Variants in F13A1 observed in about 807,000 individuals in gnomAD.
The protein encoded by F13A1 is FSF, A subunit.
F13A1 carries 47 observed loss-of-function variants against 80.1 expected under a neutral mutation model. The ratio of observed to expected loss-of-function variants is 0.59; its 90% CI spans 0.46 to 0.75. F13A1 has a LOEUF of 0.75. F13A1 is among the 30% of genes least tolerant of loss of function. F13A1 has a pLI of 0.00. For synonymous variants in F13A1, 349 were observed against 344.9 expected, an observed-to-expected ratio of 1.01 and a Z score of -0.13; for missense variants, 817 against 930.4, an observed-to-expected ratio of 0.88 and a Z score of 1.59.
In F13A1 at chr6:6,205,858, C is replaced by T. The variant is rs116445083; in HGVS notation, c.1113-8532G>A. ...AAAAATTTTCAGAAAGTAGATGCCA[C>T]CCCATCACACAGACCACGTTTGCCA... On this transcript the variant is annotated intron_variant, in intron 8 of 14. Coordinates refer to ENST00000264870, the MANE Select transcript of F13A1 (RefSeq NM_000129.4). Among the ~76,000 whole-genome samples, 1,307 of 152,176 alleles carry T rather than the reference C, an allele frequency of 8.6e-3. 14 individuals carry two copies. Among genetic ancestry groups the T allele is most frequent in the South Asian group, 0.04 (190 of 4,810 alleles).
At chr6:6,285,529 C>A (rs1758125258) in intron 3 of F13A1, among the ~76,000 whole-genome samples, 2 of 152,250 alleles carry the variant, frequency 1.3e-5, no homozygotes, top group Non-Finnish European at 2.9e-5. Flanking sequence ...CCAGCCCCAG[C>A]TTCCTGAAGG....
At chr6:6,210,227 A>T (rs1761577540) in intron 8 of F13A1, among the ~76,000 whole-genome samples, 1 of 150,070 alleles carries the variant, frequency 6.7e-6, no homozygotes. Flanking sequence ...ACCTGTCTCA[A>T]AATAATAATA....
Position 6,174,795 on chromosome 6 carries a change from C to T in F13A1, c.1532G>A (p.Gly511Asp), listed in dbSNP as rs1561643584. Residue 511 changes from glycine to aspartate, a missense_variant, in exon 12 of 15, where the codon GGT (glycine) becomes GAT (aspartate). Gly to Asp is a moderately conservative substitution (Grantham distance 94). Transcript: ENST00000264870. ...YGAKKPLNTEGVMKSRSNVDM... is the reference protein window; with the variant it reads ...YGAKKPLNTEDVMKSRSNVDM... ...AACGTTGGACCTTGATTTCATGACA[C>T]CTTCTGTGTTGAGGGGCTTTTTAGC... is the stretch of plus-strand genomic sequence containing the variant. 1.2e-6 allele frequency: 2 copies of T among 1,614,056 alleles called. No homozygotes were observed. Among genetic ancestry groups the T allele is most frequent in the African/African-American group, 1.3e-5 (1 of 74,928 alleles).
intron 6 of F13A1, among the ~76,000 whole-genome samples, chr6:6,226,378 A>T (rs534251015): frequency 6.6e-6 from 1 of 152,374 alleles, no homozygotes; most frequent in East Asian, 1.9e-4. Context: ...GCATTTTAAC[A>T]AGATCACTGG....
chr6:6,250,888 ACTCTT>A lies in F13A1; in HGVS notation c.608_612del (p.Glu203ValfsTer5), dbSNP rs1184573749. 1 of 1,612,802 alleles carries A rather than the reference ACTCTT, an allele frequency of 6.2e-7. No homozygotes were observed. Among genetic ancestry groups the A allele is most frequent in the South Asian group, 1.1e-5 (1 of 91,060 alleles). On this transcript the variant is annotated frameshift_variant, in exon 5 of 15. Coordinates refer to ENST00000264870, the MANE Select transcript of F13A1 (RefSeq NM_000129.4). LOFTEE classifies it high-confidence loss of function. The surrounding 1 kb of genome is among the most constrained non-coding windows in gnomAD (Gnocchi z 4.2). ...ATTACCCCGATGTCATTCAGGACAT[ACTCTT>A]CTCTTTCTTTCTCATTGTCCAGATA...
At chr6:6,216,831 GA>G (rs533155096) in intron 8 of F13A1, among the ~76,000 whole-genome samples, 5 of 142,754 alleles carry the variant, frequency 3.5e-5, no homozygotes, top group African/African-American at 1.4e-4. Flanking sequence ...AAATTTACAA[GA>G]AAAAAACAAA....
intron 4 of F13A1, among the ~76,000 whole-genome samples, chr6:6,266,021 C>T (rs930611409): frequency 1.3e-5 from 2 of 152,182 alleles, no homozygotes; most frequent in African/African-American, 4.8e-5. Context: ...AAATAACTAA[C>T]TGCAACTTTA....
At chr6:6,241,015 AC>A (rs1757477028) in intron 6 of F13A1, among the ~76,000 whole-genome samples, 1 of 152,292 alleles carries the variant, frequency 6.6e-6, no homozygotes, top group African/African-American at 2.4e-5. Context: ...CAAAGTTGTC[AC>A]CCCGAGAGCT....
intron 6 of F13A1, among the ~76,000 whole-genome samples, chr6:6,238,714 G>A (rs918891200): frequency 2.4e-5 from 2 of 84,890 alleles, no homozygotes; most frequent in Admixed American, 1.1e-4. Context: ...AAAACATGCT[G>A]CATATATATA....
intron 12 of F13A1, among the ~76,000 whole-genome samples, chr6:6,173,238 C>T (rs1760807573): frequency 6.6e-6 from 1 of 152,056 alleles, no homozygotes; most frequent in African/African-American, 2.4e-5. Flanking sequence ...AGCTGTAGCA[C>T]GTGGACCCTG....
At chr6:6,255,275 C>A (rs983988519) in intron 4 of F13A1, among the ~76,000 whole-genome samples, 1 of 151,904 alleles carries the variant, frequency 6.6e-6, no homozygotes, top group African/African-American at 2.4e-5. Flanking sequence ...TATTTATGGC[C>A]AGGAACTTTC....
intron 3 of F13A1, among the ~76,000 whole-genome samples, chr6:6,285,578 A>G (rs1758125995): frequency 6.6e-6 from 1 of 152,174 alleles, no homozygotes; most frequent in South Asian, 2.1e-4. Flanking sequence ...AAACGGTCAG[A>G]CCCACCTCCC....
rs200488257 is a variant in F13A1 at position 6,318,520 on chromosome 6, G to T, written c.130+15C>A. ...CCTGGACCCAGAGTGGTGGGGAAGG[G>T]GGGTATGCTCATACCTTGCAGGTTG... is the stretch of plus-strand genomic sequence containing the variant. On this transcript the variant is annotated intron_variant, in intron 2 of 14. Transcript: ENST00000264870. 1.2e-6 allele frequency: 2 copies of T among 1,609,022 alleles called. No homozygotes were observed. Among genetic ancestry groups the T allele is most frequent in the Admixed American group, 1.7e-5 (1 of 59,224 alleles).
intron 9 of F13A1, 79 bp downstream of exon 9, chr6:6,197,144 C>A: frequency 7.2e-7 from 1 of 1,392,650 alleles, no homozygotes; most frequent in South Asian, 1.2e-5. Context: ...GGCGTGGTTC[C>A]CACACATCAA....
chr6:6,196,032 A>G (rs2151082289), intron 9 of F13A1, 147 bp from the exon 10 acceptor site: 2 of 814,340 alleles, frequency 2.5e-6, no homozygotes, highest in Non-Finnish European at 4.1e-6. Context: ...TCCAAGGCTG[A>G]AGAGAATTCC....
In F13A1 at chr6:6,215,258, G is replaced by A. The variant is rs965314838; in HGVS notation, c.1112+6775C>T. On this transcript the variant is annotated intron_variant, in intron 8 of 14. Transcript: ENST00000264870. ...AGAATTTTAGACCAATATCCTTGATGAACATTGATGCAAAAATCCTCAATA... is the reference window on the plus strand; with the variant it reads ...AGAATTTTAGACCAATATCCTTGATAAACATTGATGCAAAAATCCTCAATA... Among the ~76,000 whole-genome samples, 45 of 129,350 alleles carry A rather than the reference G, an allele frequency of 3.5e-4. 4 individuals carry two copies. The East Asian group carries it at 9.4e-3, about 27-fold the overall frequency. 84.9% of individuals were successfully genotyped at this position (129,350 alleles called of 152,430 possible).
In F13A1 at chr6:6,145,571, A is replaced by G. The variant is rs753592685; in HGVS notation, c.*48T>C. 6.2e-7 allele frequency: 1 copy of G among 1,613,730 alleles called. No individual in the cohort carries two copies. The highest frequency in any genetic ancestry group is 8.5e-7 in the Non-Finnish European group (1 of 1,179,666). On this transcript the variant is annotated 3_prime_UTR_variant, in exon 15 of 15. Coordinates refer to ENST00000264870, the MANE Select transcript of F13A1 (RefSeq NM_000129.4). ...TTTTGCGTTAGAATTTCCTTAGCCA[A>G]GACTACAAGAGGCCAAATGCCAGGG...
intron 12 of F13A1, among the ~76,000 whole-genome samples, chr6:6,168,011 A>G (rs1760708340): frequency 6.6e-6 from 1 of 152,192 alleles, no homozygotes; most frequent in South Asian, 2.1e-4. Context: ...CAAGGCCCCC[A>G]TTCCACATAG....
intron 3 of F13A1, among the ~76,000 whole-genome samples, chr6:6,288,014 A>G (rs766907837): frequency 6.6e-6 from 1 of 151,906 alleles, no homozygotes; most frequent in African/African-American, 2.4e-5. Flanking sequence ...TTTTTAAAAA[A>G]TAGACAATCA....
Sources: gnomAD v4.1 joint callset for allele counts (sites outside exome capture counted in the v4.1 genomes callset) on GRCh38, gnomAD v4.1.1 for gene constraint, Gnocchi (gnomAD v3.1) non-coding constraint, MANE v1.5 for transcripts, NCBI Gene and HGNC (gene_info 2026-07-23, HGNC 2026-07-21) for gene names.